The following LRP6 variants were observed in gnomAD, a reference collection of about 807,000 sequenced individuals.
The protein encoded by LRP6 is LDL receptor related protein 6, also known as low-density lipoprotein receptor-related protein 6.
A neutral mutation model predicts 184.1 loss-of-function variants in LRP6; 43 were observed. The ratio of observed to expected loss-of-function variants is 0.23; its 90% CI spans 0.18 to 0.30. LRP6 has a LOEUF of 0.30. Among genes scored for constraint, LRP6 ranks in the 10% least tolerant of loss-of-function variants. The pLI, the probability that LRP6 is intolerant of heterozygous loss-of-function variation, is 1.00. For synonymous variants in LRP6, 719 were observed against 684.9 expected (o/e 1.05, Z -0.78); for missense variants, 1,571 against 2,005.3 (o/e 0.78, Z 4.14).
rs1865133655 is a variant in LRP6 at position 12,244,297 on chromosome 12, A to T, written c.414T>A (p.Asp138Glu). 6.2e-7 allele frequency: 1 copy of T among 1,614,066 alleles called. No homozygotes were observed. Among genetic ancestry groups the T allele is most frequent in the Non-Finnish European group, 8.5e-7 (1 of 1,180,046 alleles). ...GATCTAAGGCAATAGCTCTGGGTTG[A>T]TCCAACTCTTGCCAAAATAAAACTT... Reference protein sequence around the residue: ...LRKVLFWQELDQPRAIALDPS... With the variant: ...LRKVLFWQELEQPRAIALDPS... Residue 138 changes from aspartate (D) to glutamate (E), a missense_variant, in exon 2 of 23, where the codon GAT (aspartate) becomes GAA (glutamate). Asp to Glu is a conservative substitution (Grantham distance 45, BLOSUM62 2). Transcript: ENST00000261349.
chr12:12,257,825 G>T (rs1865508746), intron 1 of LRP6, among the ~76,000 whole-genome samples: 1 of 130,264 alleles, frequency 7.7e-6, no homozygotes, highest in African/African-American at 2.7e-5. Context: ...AAATGAGCCG[G>T]GCGTGGTAGC....
Position 12,164,217 on chromosome 12 carries a change from T to C in LRP6, c.2052+56A>G, listed in dbSNP as rs1266946136. On this transcript the variant is annotated intron_variant, in intron 9 of 22. Coordinates refer to ENST00000261349, the MANE Select transcript of LRP6 (RefSeq NM_002336.3). ...GGGTCACAGCATGAAGATTCAGAAA[T>C]TCTAGAAGTTCTCCCTTTTAGTCCC... is the stretch of plus-strand genomic sequence containing the variant. 2.6e-6 allele frequency: 4 copies of C among 1,517,316 alleles called. No homozygotes were observed. In the Middle Eastern group the frequency reaches 6.4e-4, roughly 244 times the overall value. The allele number at this position is 1,517,316 out of a possible 1,614,324, so 94.0% of individuals were successfully genotyped here. A position where few individuals can be genotyped will look rare whatever the true frequency, so the allele number is the denominator to read the frequency against.
At chr12:12,186,777 G>C (rs966162805) in intron 4 of LRP6, 146 bp downstream of exon 4, 12 of 747,134 alleles carry the variant, frequency 1.6e-5, no homozygotes, top group Non-Finnish European at 2.7e-5. Flanking sequence ...TCTTGCCTCA[G>C]CCTCCCAAGT....
chr12:12,178,080 A>G (rs1196830917), intron 7 of LRP6, among the ~76,000 whole-genome samples: 2 of 152,146 alleles, frequency 1.3e-5, no homozygotes, highest in Non-Finnish European at 2.9e-5. Context: ...CAGAAAAGGA[A>G]TTCTAATTTT....
chr12:12,136,507 C>T (rs1208490928), intron 16 of LRP6, among the ~76,000 whole-genome samples: 1 of 152,206 alleles, frequency 6.6e-6, no homozygotes, highest in Non-Finnish European at 1.5e-5. Context: ...CACTAGGCAA[C>T]TTTTCAAAGT....
intron 2 of LRP6, among the ~76,000 whole-genome samples, chr12:12,239,423 T>C (rs1282899800): frequency 1.1e-4 from 17 of 152,162 alleles, no homozygotes; most frequent in Admixed American, 1.1e-3. Flanking sequence ...ATGGAAACAG[T>C]ACAAAACTCA....
chr12:12,138,568 C>A, intron 15 of LRP6, 34 bp from the exon 16 acceptor site: 1 of 1,554,384 alleles, frequency 6.4e-7, no homozygotes, highest in South Asian at 1.1e-5. Flanking sequence ...AGAAATGACT[C>A]ATGTGGGTCA....
At chr12:12,264,240 G>C (rs1865700142) in intron 1 of LRP6, among the ~76,000 whole-genome samples, 1 of 151,922 alleles carries the variant, frequency 6.6e-6, no homozygotes, top group Admixed American at 6.6e-5. Context: ...ATAGCAAAAA[G>C]TAACATTAAC....
chr12:12,167,271 T>C (rs1261271137), intron 7 of LRP6, among the ~76,000 whole-genome samples: 1 of 152,164 alleles, frequency 6.6e-6, no homozygotes, highest in Non-Finnish European at 1.5e-5. Flanking sequence ...GCAAACAGTA[T>C]TGTGGCAGAA....
rs1491531668 is a variant in LRP6 at position 12,170,831 on chromosome 12, ACG to A, written c.1546-5538_1546-5537del. Among the ~76,000 whole-genome samples the A allele has an allele frequency of 3.5e-3, 427 of 122,604 alleles. 1 individual carries two copies. Among genetic ancestry groups the A allele is most frequent in the Non-Finnish European group, 5.6e-3 (304 of 54,106 alleles). The allele number at this position is 122,604 out of a possible 152,430, so 80.4% of individuals were successfully genotyped here. A position where few individuals can be genotyped will look rare whatever the true frequency, so the allele number is the denominator to read the frequency against. The stretch of plus-strand genomic sequence containing the variant: ...CACACACACACACACACACACACAC[ACG>A]TCTTAGATGAAAAAAACTACTTTTT... On this transcript the variant is annotated intron_variant, in intron 7 of 22. Coordinates refer to ENST00000261349, the MANE Select transcript of LRP6 (RefSeq NM_002336.3).
chr12:12,238,233 A>C (rs1353867721), intron 2 of LRP6, among the ~76,000 whole-genome samples: 2 of 151,828 alleles, frequency 1.3e-5, no homozygotes, highest in African/African-American at 4.8e-5. Context: ...AGAAAAAAAA[A>C]AACAGAAAGT....
chr12:12,254,325 C>A (rs1310899255), intron 1 of LRP6, among the ~76,000 whole-genome samples: 1 of 151,992 alleles, frequency 6.6e-6, no homozygotes, highest in Non-Finnish European at 1.5e-5. Flanking sequence ...AACACAGATC[C>A]AGCAGAACAA....
rs1443899016 is a variant in LRP6 at position 12,145,632 on chromosome 12, T to TC, written c.3397+1733_3397+1734insG. Among the ~76,000 whole-genome samples, 320 of 126,794 alleles carry TC rather than the reference T, an allele frequency of 2.5e-3. 1 individual carries two copies. The highest frequency in any genetic ancestry group is 0.013 in the African/African-American group (311 of 23,314). 83.2% of individuals were successfully genotyped at this position (126,794 alleles called of 152,430 possible). On this transcript the variant is annotated intron_variant, in intron 15 of 22. Transcript: ENST00000261349. ...ATTTCTTTTTTCTTTTTCTTTTTTTTTTTTTTTTTTTTTGAGACAGTCTCG... is the reference window on the plus strand; with the variant it reads ...ATTTCTTTTTTCTTTTTCTTTTTTTTCTTTTTTTTTTTTTGAGACAGTCTCG...
At chr12:12,254,825 G>A (rs999294700) in intron 1 of LRP6, among the ~76,000 whole-genome samples, 17 of 152,174 alleles carry the variant, frequency 1.1e-4, no homozygotes, top group South Asian at 2.1e-4. Context: ...ATCACTTCCC[G>A]GCAGGCTCAA....
intron 4 of LRP6, 49 bp from the exon 5 acceptor site, chr12:12,184,160 C>A: frequency 1.3e-6 from 2 of 1,536,770 alleles, no homozygotes; most frequent in East Asian, 2.3e-5. Flanking sequence ...ACTAAGTACA[C>A]AAAGGTTAAC....
At chr12:12,140,787 A>G (rs1487365182) in intron 15 of LRP6, among the ~76,000 whole-genome samples, 2 of 151,968 alleles carry the variant, frequency 1.3e-5, no homozygotes, top group African/African-American at 4.8e-5. Flanking sequence ...TATTTTTAGT[A>G]GATATGGGGT....
intron 1 of LRP6, among the ~76,000 whole-genome samples, chr12:12,260,750 CCAAAGGAACA>C (rs1389134825): frequency 6.6e-6 from 1 of 152,156 alleles, no homozygotes; most frequent in Non-Finnish European, 1.5e-5. Flanking sequence ...AATAACTTGT[CCAAAGGAACA>C]CAAAGCGGCA....
intron 2 of LRP6, among the ~76,000 whole-genome samples, chr12:12,207,611 C>T (rs144673058): frequency 1.7e-3 from 261 of 152,060 alleles, no homozygotes; most frequent in Non-Finnish European, 2.9e-3. Flanking sequence ...GGGCAAGCAA[C>T]AAAATAGCAA....
chr12:12,181,227 C>T lies in LRP6; in HGVS notation c.1189G>A (p.Val397Met), dbSNP rs1160611996. ...GGATGGGCAATTTGAGCAGTGACCACAAACTGACTGCCAGATCCATCTATA... is the reference window on the plus strand; with the variant it reads ...GGATGGGCAATTTGAGCAGTGACCATAAACTGACTGCCAGATCCATCTATA... The part of the protein sequence containing the change: ...SFIDGSGSQF[V>M]VTAQIAHPDG... Residue 397 changes from valine (V) to methionine (M), a missense_variant, in exon 6 of 23, where the codon GTG (valine) becomes ATG (methionine). This residue lies in a region of LRP6 where 640 missense variants were observed against 851.9 expected (regional missense o/e 0.75). Coordinates refer to ENST00000261349, the MANE Select transcript of LRP6 (RefSeq NM_002336.3). 15 of 1,614,172 alleles carry T rather than the reference C, an allele frequency of 9.3e-6. No individual in the cohort carries two copies. Among genetic ancestry groups the T allele is most frequent in the Non-Finnish European group, 1.3e-5 (15 of 1,179,996 alleles).
Sources: gnomAD v4.1 joint callset for allele counts (sites outside exome capture counted in the v4.1 genomes callset) on GRCh38, gnomAD v4.1.1 for gene constraint, gnomAD v4.1.1 regional missense constraint, MANE v1.5 for transcripts, NCBI Gene and HGNC (gene_info 2026-07-23, HGNC 2026-07-21) for gene names.